The following RYK variants were observed in gnomAD, a reference collection of about 807,000 sequenced individuals.
RYK encodes the protein inactive tyrosine-protein kinase RYK.
A neutral mutation model predicts 70.2 loss-of-function variants in RYK; 21 were observed. The observed-to-expected ratio is 0.30, with a 90% CI of 0.21 to 0.43. The LOEUF (loss-of-function observed/expected upper bound fraction) is 0.43. Ranked by LOEUF, RYK falls within the 20% of genes least tolerant of loss-of-function variation. RYK has a pLI of 1.00. For missense variants in RYK, 604 were observed against 753.3 expected (o/e 0.80, Z 2.32); for synonymous variants, 267 against 278.0 (o/e 0.96, Z 0.39).
At chr3:134,206,465 A>G (rs555374329) in intron 5 of RYK, among the ~76,000 whole-genome samples, 6 of 90,836 alleles carry the variant, frequency 6.6e-5, no homozygotes, top group Admixed American at 6.4e-4. Flanking sequence ...TACAAAACAT[A>G]TATCACCCAA....
chr3:134,249,917 G>GTTTTTTTTTTTTTTTTTTTTTTTTTT lies in RYK; in HGVS notation c.232+480_232+505dup, dbSNP rs71624038. On this transcript the variant is annotated intron_variant, in intron 1 of 14. Coordinates refer to ENST00000623711, the MANE Select transcript of RYK (RefSeq NM_002958.4). ...TATAACCTCCCCTTCTTTCTCTCTC[G>GTTTTTTTTTTTTTTTTTTTTTTTTTT]TTTTTTTTTTTTTTTTTTTTTTTTT... Among the ~76,000 whole-genome samples, 12 of 93,338 alleles carry GTTTTTTTTTTTTTTTTTTTTTTTTTT rather than the reference G, an allele frequency of 1.3e-4. 1 individual carries two copies. The highest frequency in any genetic ancestry group is 5.8e-4 in the African/African-American group (11 of 18,904). 61.2% of individuals were successfully genotyped at this position (93,338 alleles called of 152,430 possible).
intron 13 of RYK, among the ~76,000 whole-genome samples, chr3:134,171,895 C>T (rs2012925899): frequency 6.6e-6 from 1 of 151,980 alleles, no homozygotes; most frequent in African/African-American, 2.4e-5. Flanking sequence ...ATTTTGGGGG[C>T]CTCCACTGTG....
At chr3:134,247,200 C>T (rs992371337) in intron 1 of RYK, among the ~76,000 whole-genome samples, 9 of 151,944 alleles carry the variant, frequency 5.9e-5, no homozygotes, top group Admixed American at 3.9e-4. Context: ...AAAAAAGTTA[C>T]GTAACTACAT....
chr3:134,189,507 T>A (rs2013576460), intron 8 of RYK, among the ~76,000 whole-genome samples: 1 of 151,948 alleles, frequency 6.6e-6, no homozygotes, highest in South Asian at 2.1e-4. Context: ...ACGCCTGTAA[T>A]CCCAGCACTT....
intron 11 of RYK, among the ~76,000 whole-genome samples, chr3:134,176,788 C>T (rs1028143715): frequency 1.3e-5 from 2 of 152,012 alleles, no homozygotes; most frequent in African/African-American, 2.4e-5. Context: ...CGGTGGCTCA[C>T]ATTTGTAATC....
chr3:134,213,600 T>C (rs751240056), intron 2 of RYK, among the ~76,000 whole-genome samples: 1 of 152,048 alleles, frequency 6.6e-6, no homozygotes, highest in Non-Finnish European at 1.5e-5. Context: ...CCTCCTACAC[T>C]CTCTGCCTCT....
At chr3:134,197,119 C>T (rs1560012269) in intron 6 of RYK, among the ~76,000 whole-genome samples, 2 of 152,196 alleles carry the variant, frequency 1.3e-5, no homozygotes, top group Non-Finnish European at 2.9e-5. Context: ...AGCCCTGTTT[C>T]TCCAGCAACT....
chr3:134,218,591 C>T (rs1224551717), intron 2 of RYK, among the ~76,000 whole-genome samples: 1 of 152,100 alleles, frequency 6.6e-6, no homozygotes, highest in Non-Finnish European at 1.5e-5. Context: ...TGACAGGTCA[C>T]AGGGCATTCA....
intron 1 of RYK, among the ~76,000 whole-genome samples, chr3:134,235,101 C>G (rs1425262160): frequency 6.6e-6 from 1 of 151,894 alleles, no homozygotes; most frequent in African/African-American, 2.4e-5. Flanking sequence ...GTATAGGCCA[C>G]AATATGACCA....
chr3:134,206,855 T>C (rs2014226140), intron 5 of RYK, among the ~76,000 whole-genome samples: 1 of 152,098 alleles, frequency 6.6e-6, no homozygotes, highest in African/African-American at 2.4e-5. Context: ...TGAACTTTTA[T>C]ATACTTGAAG....
chr3:134,166,045 C>A (rs960268812), intron 13 of RYK, among the ~76,000 whole-genome samples: 1 of 152,194 alleles, frequency 6.6e-6, no homozygotes, highest in Non-Finnish European at 1.5e-5. Context: ...ATGTATTTTG[C>A]ATGTGAGAAT....
At chr3:134,230,355 A>T (rs1255878790) in intron 1 of RYK, among the ~76,000 whole-genome samples, 1 of 152,232 alleles carries the variant, frequency 6.6e-6, no homozygotes, top group African/African-American at 2.4e-5. Context: ...TACTGGGATT[A>T]CAAGCGTGAG....
intron 5 of RYK, among the ~76,000 whole-genome samples, chr3:134,204,582 C>G (rs2014142269): frequency 9.8e-6 from 1 of 102,482 alleles, no homozygotes; most frequent in Non-Finnish European, 1.8e-5. Flanking sequence ...CCCAATGACA[C>G]AGCCACAGCC....
chr3:134,186,087 AAAAC>A (rs2013449140), intron 9 of RYK, among the ~76,000 whole-genome samples: 1 of 152,222 alleles, frequency 6.6e-6, no homozygotes, highest in Admixed American at 6.5e-5. Flanking sequence ...ATGATTTTTA[AAAAC>A]AAACACTTGC....
rs1369856465 is a variant in RYK at position 134,195,119 on chromosome 3, C to T, written c.852G>A (p.Leu284=). 1 of 1,613,708 alleles carries T rather than the reference C, an allele frequency of 6.2e-7. No individual in the cohort carries two copies. The highest frequency in any genetic ancestry group is 1.7e-5 in the Admixed American group (1 of 59,990). Residue 284 remains leucine, a synonymous_variant, in exon 7 of 15, where the codon CTG becomes CTA. Coordinates refer to ENST00000623711, the MANE Select transcript of RYK (RefSeq NM_002958.4). ...SQPSTQTTQY[L]RADTPNNATP... is the part of the protein sequence containing the mutation. ...TTGCATTGTTGGGCGTGTCTGCTCTCAGATACTGAGTCGTCTGGGTGGATG... is the reference window on the plus strand; with the variant it reads ...TTGCATTGTTGGGCGTGTCTGCTCTTAGATACTGAGTCGTCTGGGTGGATG...
chr3:134,161,227 A>G (rs1308193923), intron 13 of RYK, among the ~76,000 whole-genome samples: 1 of 152,240 alleles, frequency 6.6e-6, no homozygotes, highest in East Asian at 1.9e-4. Flanking sequence ...GAAGGGGATG[A>G]ATGGAAACAC....
chr3:134,248,185 G>C (rs1042815504), intron 1 of RYK, among the ~76,000 whole-genome samples: 3 of 152,160 alleles, frequency 2.0e-5, no homozygotes, highest in African/African-American at 7.2e-5. Flanking sequence ...CTCTGTAACA[G>C]GTCAACCCTA....
intron 5 of RYK, among the ~76,000 whole-genome samples, chr3:134,203,988 A>G (rs1268961573): frequency 5.3e-5 from 8 of 152,296 alleles, no homozygotes; most frequent in African/African-American, 7.2e-5. Flanking sequence ...TATATTCTTC[A>G]TATTTCTTCA....
In RYK at chr3:134,158,238, G is replaced by A. The variant is rs1484520223; in HGVS notation, c.1739C>T (p.Ala580Val). 6.4e-7 allele frequency: 1 copy of A among 1,570,194 alleles called. No homozygotes were observed. The highest frequency in any genetic ancestry group is 1.8e-5 in the Admixed American group (1 of 54,970). Residue 580 changes from alanine (A) to valine (V), a missense_variant, in exon 15 of 15, where the codon GCC (alanine) becomes GTC (valine). Transcript: ENST00000623711. ...ELFAVMACCW[A>V]LDPEERPKFQ... is the part of the protein sequence containing the mutation. ...CTTGGGCCTCTCCTCTGGATCTAAG[G>A]CCCAGCAACAGGCCATCACAGCAAA... is the stretch of plus-strand genomic sequence containing the variant.
Sources: allele counts gnomAD v4.1 joint callset (sites outside exome capture counted in the v4.1 genomes callset), GRCh38; gene constraint gnomAD v4.1.1; transcripts MANE v1.5; gene names NCBI Gene and HGNC (gene_info 2026-07-23, HGNC 2026-07-21).